CACNA1C: variants seen among roughly 807,000 people sequenced by gnomAD.
CACNA1C encodes voltage-dependent L-type calcium channel subunit alpha-1C.
A neutral mutation model predicts 229.0 loss-of-function variants in CACNA1C; 30 were observed. That is an observed-to-expected ratio of 0.13 (90% CI 0.10 to 0.18). The LOEUF is 0.18. CACNA1C is among the 10% of genes least tolerant of loss of function. The pLI is 1.00. For synonymous variants in CACNA1C, 1,114 were observed against 1,132.5 expected (o/e 0.98, Z 0.33); for missense variants, 1,658 against 2,845.0 (o/e 0.58, Z 9.49).
intron 2 of CACNA1C, 41 bp from the exon 3 acceptor site, chr12:2,120,284 G>T (rs1344966762): frequency 2.1e-6 from 2 of 933,334 alleles, no homozygotes; most frequent in Admixed American, 3.4e-5. Flanking sequence ...TGTTTCACTT[G>T]TACTTTCTGT....
rs1469800424 is a variant in CACNA1C at position 2,647,139 on chromosome 12, C to T, written c.3913-1336C>T. Among the ~76,000 whole-genome samples, 3 of 152,214 alleles carry T rather than the reference C, an allele frequency of 2.0e-5. No individual in the cohort carries two copies. Among genetic ancestry groups the T allele is most frequent in the African/African-American group, 7.2e-5 (3 of 41,440 alleles). On this transcript the variant is annotated intron_variant, in intron 30 of 46. Transcript: ENST00000399655. The surrounding 1 kb of genome is among the most constrained non-coding windows in gnomAD (Gnocchi z 4.2). ...AATGTCTAGTTGTGCACATTTCCAT[C>T]CTTCAAAAATTCCATAACACATTTT...
intron 1 of CACNA1C, among the ~76,000 whole-genome samples, chr12:2,028,872 A>G (rs1352381894): frequency 2.6e-5 from 4 of 152,242 alleles, no homozygotes; most frequent in African/African-American, 7.2e-5. Flanking sequence ...AATAAACATT[A>G]GTTTTTATTT....
chr12:2,613,616 A>G (rs1240708072), intron 29 of CACNA1C: 4 of 152,224 alleles, frequency 2.6e-5, no homozygotes, highest in Non-Finnish European at 5.9e-5. Context: ...TCTCCAGAGA[A>G]GCAAGTACAC....
At chr12:2,620,352 T>A (rs2082633206) in intron 29 of CACNA1C, among the ~76,000 whole-genome samples, 1 of 152,232 alleles carries the variant, frequency 6.6e-6, no homozygotes, top group Non-Finnish European at 1.5e-5. Flanking sequence ...AGCCACTCTT[T>A]CCACGACAAC....
rs370239062 is a variant in CACNA1C at position 2,002,898 on chromosome 12, AAAAAACAAACAAAC to A, written c.139+31711_139+31724del. ...ATGTAAAAACGAAGGTGACACCTCG[AAAAAACAAACAAAC>A]AAAAACAAACAAAAAAAGTAGGTGA... On this transcript the variant is annotated intron_variant, in intron 1 of 46. Transcript: ENST00000682462. 5.8e-3 allele frequency among the ~76,000 whole-genome samples: 883 copies of A among 152,336 alleles called. 7 individuals are homozygous for A. The highest frequency in any genetic ancestry group is 0.02 in the African/African-American group (815 of 41,562).
rs1369545525 is a variant in CACNA1C at position 2,277,034 on chromosome 12, T to C, written c.477+156604T>C. Among the ~76,000 whole-genome samples, 6 of 152,284 alleles carry C rather than the reference T, an allele frequency of 3.9e-5. No homozygotes were observed. The East Asian group carries it at 1.2e-3, about 29-fold the overall frequency. On this transcript the variant is annotated intron_variant, in intron 3 of 46. Coordinates refer to ENST00000399655, the MANE Select transcript of CACNA1C (RefSeq NM_000719.7). ...GGTTGCAAAGTCACAAAAAAGATGA[T>C]GGCATTGAGCTTTCCTATCAGGAAC... is the stretch of plus-strand genomic sequence containing the variant.
chr12:2,047,347 T>G (rs905810228), intron 1 of CACNA1C, among the ~76,000 whole-genome samples: 3 of 152,210 alleles, frequency 2.0e-5, no homozygotes, highest in African/African-American at 7.2e-5. Context: ...CACACTTTAC[T>G]TGGACTATTT....
At chr12:2,293,227 C>T (rs1433124960) in intron 3 of CACNA1C, among the ~76,000 whole-genome samples, 18 of 152,190 alleles carry the variant, frequency 1.2e-4, no homozygotes, top group Admixed American at 1.2e-3. Context: ...AAGAAATGGG[C>T]TCAACCTGTA....
intron 11 of CACNA1C, among the ~76,000 whole-genome samples, chr12:2,559,770 C>A (rs1380668372): frequency 6.6e-6 from 1 of 152,180 alleles, no homozygotes. Context: ...GAATAGTAAA[C>A]CCTGTTCCTG....
intron 3 of CACNA1C, among the ~76,000 whole-genome samples, chr12:2,412,450 C>CG (rs1409905690): frequency 6.6e-6 from 1 of 152,200 alleles, no homozygotes; most frequent in Non-Finnish European, 1.5e-5. Context: ...CCATGGTCTC[C>CG]AGGAGATAAG....
In CACNA1C at chr12:2,455,768, G is replaced by A. The variant is rs570690875; in HGVS notation, c.618-1799G>A. On this transcript the variant is annotated intron_variant, in intron 4 of 46. Coordinates refer to ENST00000399655, the MANE Select transcript of CACNA1C (RefSeq NM_000719.7). Reference sequence around the variant, plus strand: ...TGTCTCTGCAGCACGTGACACCACCGCCTGTTCACTGACCGCTCTCTTCAT... The same window carrying A: ...TGTCTCTGCAGCACGTGACACCACCACCTGTTCACTGACCGCTCTCTTCAT... Among the ~76,000 whole-genome samples, 7 of 152,202 alleles carry A rather than the reference G, an allele frequency of 4.6e-5. No individual in the cohort carries two copies. The South Asian group carries it at 8.3e-4, about 18-fold the overall frequency.
chr12:2,340,447 G>C (rs1221617499), intron 3 of CACNA1C, among the ~76,000 whole-genome samples: 1 of 152,318 alleles, frequency 6.6e-6, no homozygotes, highest in East Asian at 1.9e-4. Context: ...ATGGGACATA[G>C]CATTGGGAAA....
intron 3 of CACNA1C, among the ~76,000 whole-genome samples, chr12:2,196,483 A>C (rs879643463): frequency 6.6e-6 from 1 of 152,232 alleles, no homozygotes; most frequent in Non-Finnish European, 1.5e-5. Flanking sequence ...TCTTTTATTT[A>C]TTATTAAGTT....
chr12:2,217,669 G>A (rs1167303746), intron 3 of CACNA1C: 1 of 152,104 alleles, frequency 6.6e-6, no homozygotes, highest in East Asian at 1.9e-4. Flanking sequence ...CTTATTTCTT[G>A]ACAGAGATGG....
chr12:2,535,732 A>G (rs889369489), intron 9 of CACNA1C, among the ~76,000 whole-genome samples: 1 of 149,552 alleles, frequency 6.7e-6, no homozygotes, highest in African/African-American at 2.5e-5. Flanking sequence ...AAAAAAAAAA[A>G]ACCTAAAACT....
chr12:2,618,966 T>C (rs970569594), intron 29 of CACNA1C, among the ~76,000 whole-genome samples: 3 of 152,242 alleles, frequency 2.0e-5, no homozygotes, highest in Non-Finnish European at 4.4e-5. Flanking sequence ...CTTCCAACTG[T>C]TTTAAATTAG....
chr12:2,041,270 CTTTTTTTTTTTT>C (rs58922699), intron 1 of CACNA1C, among the ~76,000 whole-genome samples: 6 of 91,010 alleles, frequency 6.6e-5, no homozygotes, highest in East Asian at 4.2e-4. Context: ...TAAGGGTATT[CTTTTTTTTTTTT>C]TTTTTTTTTT....
At chr12:2,668,841 CAG>C in intron 37 of CACNA1C, 90 bp from the exon 38 acceptor site, 1 of 826,950 alleles carries the variant, frequency 1.2e-6, no homozygotes, top group Non-Finnish European at 2.1e-6. Context: ...GGCGAGGACA[CAG>C]AGCCAAACCA....
chr12:2,135,955 C>A (rs557424899), intron 3 of CACNA1C, among the ~76,000 whole-genome samples: 1 of 148,976 alleles, frequency 6.7e-6, no homozygotes, highest in Non-Finnish European at 1.5e-5. Flanking sequence ...TAGCAATCAG[C>A]GAGACTCCGT....
Sources: gnomAD v4.1 joint callset for allele counts (sites outside exome capture counted in the v4.1 genomes callset) on GRCh38, gnomAD v4.1.1 for gene constraint, Gnocchi (gnomAD v3.1) non-coding constraint, MANE v1.5 for transcripts, NCBI Gene and HGNC (gene_info 2026-07-23, HGNC 2026-07-21) for gene names.